GSTA4: variants seen among roughly 807,000 people sequenced by gnomAD.
GSTA4 encodes glutathione S-transferase A4.
In GSTA4, 15 loss-of-function variants were observed where a neutral mutation model predicts 24.4. The ratio of observed to expected loss-of-function variants is 0.61; its 90% CI spans 0.41 to 0.95. The LOEUF (loss-of-function observed/expected upper bound fraction) is 0.95. GSTA4 is among the 40% of genes least tolerant of loss of function. The pLI is 0.00. For missense variants in GSTA4, 244 were observed against 262.1 expected (o/e 0.93, Z 0.48); for synonymous variants, 92 against 94.2 (o/e 0.98, Z 0.13).
At chr6:52,993,579 T>C (rs971998195) in intron 2 of GSTA4, among the ~76,000 whole-genome samples, 2 of 152,338 alleles carry the variant, frequency 1.3e-5, no homozygotes, top group Non-Finnish European at 2.9e-5. Context: ...GTTTGGATTT[T>C]GCTTTAAAAT....
At position 52,978,428 on chromosome 6, in the gene GSTA4, A is replaced by G. The variant is rs916352616; in HGVS notation, c.*42T>C. Reference sequence around the variant, plus strand: ...TTAAGACATGACTGTAGACAATACCATCTCTAGGAACACACTGTCACTCAC... The same window carrying G: ...TTAAGACATGACTGTAGACAATACCGTCTCTAGGAACACACTGTCACTCAC... On this transcript the variant is annotated 3_prime_UTR_variant, in exon 7 of 7. Transcript: ENST00000370963. 5.0e-6 allele frequency: 8 copies of G among 1,600,056 alleles called. No individual in the cohort carries two copies. Among genetic ancestry groups the G allele is most frequent in the Admixed American group, 1.7e-5 (1 of 59,440 alleles).
intron 2 of GSTA4, among the ~76,000 whole-genome samples, chr6:52,990,262 G>C (rs1230186245): frequency 6.6e-6 from 1 of 152,314 alleles, no homozygotes; most frequent in Admixed American, 6.5e-5. Flanking sequence ...AGGTTTTAGT[G>C]ACCTAGTTAC....
At chr6:52,988,933 G>C (rs1057484131) in intron 2 of GSTA4, among the ~76,000 whole-genome samples, 1 of 152,170 alleles carries the variant, frequency 6.6e-6, no homozygotes, top group African/African-American at 2.4e-5. Flanking sequence ...ATGAGGCTGA[G>C]ACCTACTGGG....
intron 2 of GSTA4, among the ~76,000 whole-genome samples, chr6:52,991,450 AG>A (rs943678913): frequency 7.2e-5 from 11 of 152,190 alleles, no homozygotes; most frequent in African/African-American, 2.7e-4. Context: ...ATACAATAGA[AG>A]TGTGTTCACA....
intron 2 of GSTA4, among the ~76,000 whole-genome samples, chr6:52,991,489 G>GA (rs45486595): frequency 3.3e-5 from 5 of 151,164 alleles, no homozygotes; most frequent in Non-Finnish European, 7.4e-5. Flanking sequence ...GTCTGGCAGG[G>GA]AAAAAAAAAG....
intron 1 of GSTA4, 30 bp from the exon 2 acceptor site, chr6:52,994,291 G>T: frequency 8.1e-7 from 1 of 1,238,674 alleles, no homozygotes. Flanking sequence ...GCTCGTCGCA[G>T]ACCAACAGTC....
In GSTA4 at chr6:52,978,578, T is replaced by G. The variant is rs761982509; in HGVS notation, c.561A>C (p.Lys187Asn). Reference protein sequence around the residue: ...AFPFLQEYTVKLSNIPTIKRF... With the variant: ...AFPFLQEYTVNLSNIPTIKRF... The stretch of plus-strand genomic sequence containing the variant: ...TCTTAATTGTAGGGATATTACTTAG[T>G]TTCACTGTGTATTCCTGAAAAAGGA... Residue 187 changes from lysine to asparagine, a missense_variant, in exon 7 of 7, where the codon AAA becomes AAC. Transcript: ENST00000370963. 2 of 1,609,562 alleles carry G rather than the reference T, an allele frequency of 1.2e-6. No individual in the cohort carries two copies. The highest frequency in any genetic ancestry group is 3.4e-5 in the Admixed American group (2 of 59,302).
At chr6:52,992,905 A>G (rs2127388470) in intron 2 of GSTA4, among the ~76,000 whole-genome samples, 1 of 152,332 alleles carries the variant, frequency 6.6e-6, no homozygotes, top group Middle Eastern at 3.4e-3. Context: ...GCTCAAGATC[A>G]GCCTGGCCAA....
chr6:52,989,016 C>T lies in GSTA4; in HGVS notation c.88-1608G>A, dbSNP rs185236159. Reference sequence around the variant, plus strand: ...CAGGAGGTCAGCAAAAGATACAGGTCATAAAGACCTTGCTGATAAAACAGG... The same window carrying T: ...CAGGAGGTCAGCAAAAGATACAGGTTATAAAGACCTTGCTGATAAAACAGG... On this transcript the variant is annotated intron_variant, in intron 2 of 6. Transcript: ENST00000370963. Among the ~76,000 whole-genome samples the T allele has an allele frequency of 3.9e-5, 6 of 152,212 alleles. No homozygotes were observed. The East Asian group carries it at 9.6e-4, about 24-fold the overall frequency.
intron 2 of GSTA4, among the ~76,000 whole-genome samples, chr6:52,991,900 G>T (rs1447307586): frequency 6.6e-6 from 1 of 151,940 alleles, no homozygotes. Context: ...GGGACGACAG[G>T]CACATGCCAC....
chr6:52,978,191 A>C lies in GSTA4; in HGVS notation c.*279T>G, dbSNP rs1763381148. On this transcript the variant is annotated 3_prime_UTR_variant, in exon 7 of 7. Coordinates refer to ENST00000370963, the MANE Select transcript of GSTA4 (RefSeq NM_001512.4). ...AGAGATCCTGCCCATTCTTATTATG[A>C]GGATGAACTGGCTACAGGACATGAG... 1 of 350,336 alleles carries C rather than the reference A, an allele frequency of 2.9e-6. No homozygotes were observed. The highest frequency in any genetic ancestry group is 5.1e-6 in the Non-Finnish European group (1 of 196,006). The allele number at this position is 350,336 out of a possible 1,614,324, so 21.7% of individuals were successfully genotyped here.
intron 2 of GSTA4, 40 bp downstream of exon 2, chr6:52,994,117 G>T: frequency 7.6e-7 from 1 of 1,308,738 alleles, no homozygotes. Flanking sequence ...GGTCTCAAAA[G>T]CTGTATGACA....
At chr6:52,984,367 A>C in intron 5 of GSTA4, 97 bp downstream of exon 5, 1 of 1,150,082 alleles carries the variant, frequency 8.7e-7, no homozygotes, top group Non-Finnish European at 1.2e-6. Flanking sequence ...AACTGGGCTC[A>C]GTTTTAAAAT....
At chr6:52,987,669 G>T (rs1351478063) in intron 2 of GSTA4, 2 of 365,500 alleles carry the variant, frequency 5.5e-6, no homozygotes, top group Admixed American at 9.1e-5. Flanking sequence ...TGTGAAAAGA[G>T]GTTGGTTAAT....
At chr6:52,986,208 G>A (rs949697684) in intron 3 of GSTA4, among the ~76,000 whole-genome samples, 5 of 152,130 alleles carry the variant, frequency 3.3e-5, no homozygotes, top group African/African-American at 9.7e-5. Flanking sequence ...CCAGCTACAC[G>A]CAGCTATGTA....
intron 6 of GSTA4, among the ~76,000 whole-genome samples, chr6:52,978,960 T>A (rs17614871): frequency 0.17 from 25,129 of 152,096 alleles, 2,360 homozygotes; most frequent in Non-Finnish European, 0.2. Flanking sequence ...CTATGATTAT[T>A]TACAATCTCT....
In GSTA4 at chr6:52,978,230, T is replaced by A. The variant is rs1237126341; in HGVS notation, c.*240A>T. 2.2e-6 allele frequency: 1 copy of A among 460,872 alleles called. No individual in the cohort carries two copies. The highest frequency in any genetic ancestry group is 3.8e-6 in the Non-Finnish European group (1 of 261,752). The allele number at this position is 460,872 out of a possible 1,614,324, so 28.5% of individuals were successfully genotyped here. On this transcript the variant is annotated 3_prime_UTR_variant, in exon 7 of 7. Transcript: ENST00000370963. ...ACAGGACATGAGTAGCCCAATCAGA[T>A]CTAACTTAAATACCAGCCTCTCCAA...
intron 3 of GSTA4, 148 bp downstream of exon 3, chr6:52,987,209 T>G (rs1763578575): frequency 1.6e-6 from 1 of 616,894 alleles, no homozygotes; most frequent in Non-Finnish European, 2.9e-6. Flanking sequence ...TCCTGGCAAT[T>G]TCAACTATTT....
rs1452547511 is a variant in GSTA4, at chr6:52,982,651, C to T, written c.469G>A (p.Asp157Asn). 2.5e-6 allele frequency: 4 copies of T among 1,610,778 alleles called. No individual in the cohort carries two copies. Among genetic ancestry groups the T allele is most frequent in the Non-Finnish European group, 3.4e-6 (4 of 1,177,028 alleles). Residue 157 changes from aspartate (D) to asparagine (N), a missense_variant, in exon 6 of 7, where the codon GAT becomes AAT. Asp to Asn is a conservative substitution (Grantham distance 23). Coordinates refer to ENST00000370963, the MANE Select transcript of GSTA4 (RefSeq NM_001512.4). ...AAAATGGTTTGGAGTAAAATCACAT[C>T]TGCAAGGCTCAGCTGATTACCAACA... ...FLVGNQLSLA[D>N]VILLQTILAL... is the part of the protein sequence containing the mutation.
Sources: allele counts gnomAD v4.1 joint callset (sites outside exome capture counted in the v4.1 genomes callset), GRCh38; gene constraint gnomAD v4.1.1; transcripts MANE v1.5; gene names NCBI Gene and HGNC (gene_info 2026-07-23, HGNC 2026-07-21).